Variants in EYS observed in about 807,000 individuals in gnomAD.
EYS encodes the protein protein eyes shut homolog.
EYS carries 250 observed loss-of-function variants against 282.1 expected under a neutral mutation model. The ratio of observed to expected loss-of-function variants is 0.89; its 90% CI spans 0.80 to 0.98. The LOEUF is 0.98. Among genes scored for constraint, EYS ranks in the 50% least tolerant of loss-of-function variants. EYS has a pLI of 0.00. For synonymous variants in EYS, 1,355 were observed against 1,282.9 expected (o/e 1.06, Z -1.20); for missense variants, 4,016 against 3,709.0 (o/e 1.08, Z -2.15).
intron 26 of EYS, among the ~76,000 whole-genome samples, chr6:64,571,534 G>C (rs1265975780): frequency 2.6e-5 from 4 of 151,946 alleles, no homozygotes; most frequent in Admixed American, 6.6e-5. Context: ...TCACTAGCCA[G>C]ACTAATAAAG....
At position 64,439,325 on chromosome 6, in the gene EYS, T is replaced by A. The variant is rs1290506997; in HGVS notation, c.5672A>T (p.Asp1891Val). 2.0e-6 allele frequency: 3 copies of A among 1,511,580 alleles called. No homozygotes were observed. The highest frequency in any genetic ancestry group is 8.8e-7 in the Non-Finnish European group (1 of 1,132,778). The allele number at this position is 1,511,580 out of a possible 1,614,324, so 93.6% of individuals were successfully genotyped here. The stretch of plus-strand genomic sequence containing the variant: ...CACATTCTGAAATTCTAGATAAGAA[T>A]CTCCATAATAACGAACACAACTGAA... ...SDFSCVRYYG[D>V]SYLEFQNVAL... is the part of the protein sequence containing the mutation. The change falls in exon 27 of 43, where the codon GAT becomes GTT. Residue 1891 changes from aspartate to valine, a missense_variant. Coordinates refer to ENST00000503581, the MANE Select transcript of EYS (RefSeq NM_001142800.2).
intron 22 of EYS, among the ~76,000 whole-genome samples, chr6:64,641,937 T>C (rs1273089798): frequency 2.0e-5 from 3 of 152,174 alleles, no homozygotes; most frequent in Non-Finnish European, 2.9e-5. Flanking sequence ...TCCTCCCATA[T>C]GTGAAAAAAT....
At chr6:65,695,047 A>G (rs748614495) in intron 1 of EYS, among the ~76,000 whole-genome samples, 4 of 152,112 alleles carry the variant, frequency 2.6e-5, no homozygotes, top group Non-Finnish European at 5.9e-5. Context: ...AAAGGCAATA[A>G]TTTGTGAAAA....
In EYS at chr6:64,273,023, G is replaced by A. The variant is rs200784950; in HGVS notation, c.6191+33947C>T. On this transcript the variant is annotated intron_variant, in intron 30 of 42. Coordinates refer to ENST00000503581, the MANE Select transcript of EYS (RefSeq NM_001142800.2). ...TCGGTTTTCTATGAGGGTAATCTAT[G>A]AATTTTGTTTTTCTTCTAAGCAAAT... 8.5e-5 allele frequency among the ~76,000 whole-genome samples: 13 copies of A among 152,064 alleles called. No individual in the cohort carries two copies. The East Asian group carries it at 2.3e-3, about 27-fold the overall frequency.
chr6:65,114,123 A>G (rs530180607), intron 12 of EYS, among the ~76,000 whole-genome samples: 227 of 152,114 alleles, frequency 1.5e-3, no homozygotes, highest in African/African-American at 5.2e-3. Flanking sequence ...ACATTCAGAA[A>G]CCTAGAAATA....
At chr6:63,815,081 G>A (rs549929843) in intron 36 of EYS, among the ~76,000 whole-genome samples, 29 of 152,238 alleles carry the variant, frequency 1.9e-4, no homozygotes, top group Non-Finnish European at 3.4e-4. Flanking sequence ...CTCAAGTTCC[G>A]TGGATACATT....
At chr6:65,317,825 C>CCTTCCTTCCTTCCTTTCTTCCTTTCTTT (rs1562092985) in intron 11 of EYS, among the ~76,000 whole-genome samples, 1 of 81,258 alleles carries the variant, frequency 1.2e-5, no homozygotes, top group African/African-American at 5.2e-5. Flanking sequence ...TTCCTTCCTT[C>CCTTCCTTCCTTCCTTTCTTCCTTTCTTT]CTTTCTTTCT....
At chr6:65,360,034 T>C (rs1407541578) in intron 8 of EYS, among the ~76,000 whole-genome samples, 3 of 152,084 alleles carry the variant, frequency 2.0e-5, no homozygotes, top group African/African-American at 7.2e-5. Flanking sequence ...TATTCCCCAA[T>C]AAAAATATTT....
At chr6:63,944,797 G>T (rs1470144678) in intron 35 of EYS, among the ~76,000 whole-genome samples, 1 of 152,090 alleles carries the variant, frequency 6.6e-6, no homozygotes, top group Admixed American at 6.6e-5. Context: ...AGCCAGGCAT[G>T]GTGGCACACA....
chr6:65,209,667 A>G (rs1402592179), intron 12 of EYS, among the ~76,000 whole-genome samples: 1 of 151,972 alleles, frequency 6.6e-6, no homozygotes, highest in Non-Finnish European at 1.5e-5. Context: ...CCCAAAACAT[A>G]TAACATATAC....
intron 26 of EYS, among the ~76,000 whole-genome samples, chr6:64,575,310 T>TA (rs1554182240): frequency 3.3e-5 from 5 of 152,012 alleles, no homozygotes; most frequent in Non-Finnish European, 5.9e-5. Context: ...AAGAGCATGT[T>TA]AAAAAAAGAA....
intron 30 of EYS, among the ~76,000 whole-genome samples, chr6:64,239,599 T>A (rs1396083443): frequency 1.6e-5 from 2 of 127,698 alleles, no homozygotes; most frequent in Non-Finnish European, 3.3e-5. Flanking sequence ...TTGATGGGGT[T>A]GTTTTTTTTT....
intron 2 of EYS, among the ~76,000 whole-genome samples, chr6:65,591,188 T>C (rs1765218663): frequency 6.6e-6 from 1 of 151,960 alleles, no homozygotes; most frequent in South Asian, 2.1e-4. Flanking sequence ...TGAGGTGAGA[T>C]GGTATTTTAC....
intron 2 of EYS, among the ~76,000 whole-genome samples, chr6:65,544,587 A>C (rs980850521): frequency 2.6e-5 from 4 of 152,084 alleles, no homozygotes; most frequent in Non-Finnish European, 5.9e-5. Flanking sequence ...CCATGATTGT[A>C]AGTTTCCTGA....
At chr6:64,326,406 ATGT>A (rs1338019514) in intron 29 of EYS, among the ~76,000 whole-genome samples, 1 of 152,192 alleles carries the variant, frequency 6.6e-6, no homozygotes, top group African/African-American at 2.4e-5. Context: ...GATGTAAGAA[ATGT>A]TGTAATGCTG....
At chr6:65,572,343 C>A (rs1425773968) in intron 2 of EYS, among the ~76,000 whole-genome samples, 4 of 151,866 alleles carry the variant, frequency 2.6e-5, no homozygotes, top group Non-Finnish European at 5.9e-5. Flanking sequence ...TGTCTTGGTT[C>A]TAGATAGAGA....
intron 5 of EYS, among the ~76,000 whole-genome samples, chr6:65,411,721 C>T (rs1405705947): frequency 1.3e-5 from 2 of 152,018 alleles, no homozygotes; most frequent in Non-Finnish European, 2.9e-5. Context: ...TTAAATGAAA[C>T]CATACAATAT....
chr6:64,779,176 T>C (rs757415570), intron 22 of EYS, among the ~76,000 whole-genome samples: 5 of 152,222 alleles, frequency 3.3e-5, no homozygotes, highest in Non-Finnish European at 7.4e-5. Context: ...TTGTGTACAC[T>C]CAAAAACCTG....
chr6:64,514,718 A>C lies in EYS; in HGVS notation c.5645-75366T>G, dbSNP rs533475111. ...GTATTCTGTGAGCAACTGTTTACCA[A>C]GTCAGGTTCAACCTAACCCTGTCTA... On this transcript the variant is annotated intron_variant, in intron 26 of 42. Transcript: ENST00000503581. 4.6e-5 allele frequency among the ~76,000 whole-genome samples: 7 copies of C among 151,918 alleles called. No homozygotes were observed. In the South Asian group the frequency reaches 1.5e-3, roughly 32 times the overall value.
Sources: allele counts gnomAD v4.1 joint callset (sites outside exome capture counted in the v4.1 genomes callset), GRCh38; gene constraint gnomAD v4.1.1; transcripts MANE v1.5; gene names NCBI Gene and HGNC (gene_info 2026-07-23, HGNC 2026-07-21).